MYO9B: variants seen among roughly 807,000 people sequenced by gnomAD.
The protein encoded by MYO9B is unconventional myosin-IXb.
Under a neutral mutation model 229.5 loss-of-function variants are expected in MYO9B, and 71 were observed. The observed-to-expected ratio is 0.31, with a 90% confidence interval of 0.26 to 0.38. MYO9B has a LOEUF of 0.38. Among genes scored for constraint, MYO9B ranks in the 10% least tolerant of loss-of-function variants. MYO9B has a pLI of 1.00. For synonymous variants in MYO9B, 1,185 were observed against 1,235.8 expected (o/e 0.96, Z 0.86); for missense variants, 2,255 against 2,920.5 (o/e 0.77, Z 5.25).
intron 22 of MYO9B, among the ~76,000 whole-genome samples, chr19:17,197,443 G>GATAGATAGATAC (rs1568297846): frequency 2.0e-5 from 3 of 147,610 alleles, no homozygotes; most frequent in South Asian, 2.1e-4. Context: ...TAGATAGATA[G>GATAGATAGATAC]ATAGATACAT....
Position 17,162,778 on chromosome 19 carries a change from G to C in MYO9B, c.1537-210G>C, listed in dbSNP as rs147026176. ...GTCAAGGCTGCAGTGAGCTGTGGTG[G>C]CGCCACTGCACTCCAACCTGGGCAA... is the stretch of plus-strand genomic sequence containing the variant. On this transcript the variant is annotated intron_variant, in intron 9 of 39. Transcript: ENST00000682292. Among the ~76,000 whole-genome samples, 1,262 of 151,730 alleles carry C rather than the reference G, an allele frequency of 8.3e-3. 17 individuals carry two copies. The highest frequency in any genetic ancestry group is 0.029 in the African/African-American group (1,202 of 41,406).
At chr19:17,132,525 ATTT>A (rs35184435) in intron 2 of MYO9B, among the ~76,000 whole-genome samples, 14 of 116,360 alleles carry the variant, frequency 1.2e-4, no homozygotes, top group African/African-American at 2.8e-4. Flanking sequence ...TATTATTATT[ATTT>A]TTTTTTTTTT....
At chr19:17,138,512 C>G (rs1195084775) in intron 2 of MYO9B, among the ~76,000 whole-genome samples, 3 of 152,114 alleles carry the variant, frequency 2.0e-5, no homozygotes, top group African/African-American at 7.2e-5. Flanking sequence ...CTCCTGGCCT[C>G]AAGCCATCCT....
chr19:17,094,723 C>T (rs1171125258), intron 1 of MYO9B, among the ~76,000 whole-genome samples: 1 of 152,140 alleles, frequency 6.6e-6, no homozygotes, highest in Non-Finnish European at 1.5e-5. Flanking sequence ...AGGCAGAATG[C>T]TTGAGCCCAG....
chr19:17,188,428 CAAAAAAAA>C (rs1182917762), intron 19 of MYO9B, among the ~76,000 whole-genome samples: 1 of 92,554 alleles, frequency 1.1e-5, no homozygotes, highest in African/African-American at 4.1e-5. Flanking sequence ...GACTCCATCT[CAAAAAAAA>C]AAAAAAAAAA....
chr19:17,110,295 G>A lies in MYO9B; in HGVS notation c.840+7738G>A, dbSNP rs2057835256. On this transcript the variant is annotated intron_variant, in intron 2 of 39. Coordinates refer to ENST00000682292, the MANE Select transcript of MYO9B (RefSeq NM_004145.4). ...GATCTGCCCGCCACTGCAGTTAACT[G>A]TTGCCATCACCTTTCACCAAGTCTA... 2.6e-5 allele frequency among the ~76,000 whole-genome samples: 4 copies of A among 152,302 alleles called. No homozygotes were observed. The South Asian group carries it at 8.3e-4, about 32-fold the overall frequency.
At chr19:17,142,533 A>C (rs1414220908) in intron 2 of MYO9B, among the ~76,000 whole-genome samples, 1 of 151,958 alleles carries the variant, frequency 6.6e-6, no homozygotes, top group Non-Finnish European at 1.5e-5. Flanking sequence ...TCCTCAAGGG[A>C]CCTTCCACAT....
At position 17,207,226 on chromosome 19, in the gene MYO9B, A is replaced by C; in HGVS notation, c.5606A>C (p.Asp1869Ala). The C allele has an allele frequency of 6.3e-7, 1 of 1,598,394 alleles. No individual in the cohort carries two copies. Among genetic ancestry groups the C allele is most frequent in the Non-Finnish European group, 8.5e-7 (1 of 1,173,838 alleles). The change falls in exon 35 of 40, where the codon GAC becomes GCC. Residue 1869 changes from aspartate to alanine, a missense_variant. By Grantham distance (126) the Asp-to-Ala change is moderately radical. Coordinates refer to ENST00000682292, the MANE Select transcript of MYO9B (RefSeq NM_004145.4). The part of the protein sequence containing the change: ...DNSDPLTSMK[D>A]VLKITTCVEM... ...TCGGACCCGCTGACCAGCATGAAGG[A>C]CGTCCTCAAGATCACCACGTGAGTG...
intron 2 of MYO9B, among the ~76,000 whole-genome samples, chr19:17,113,102 A>G (rs898588224): frequency 2.0e-5 from 3 of 152,218 alleles, no homozygotes; most frequent in African/African-American, 4.8e-5. Flanking sequence ...CTGTCTGTCA[A>G]AGGGTCCAGG....
At chr19:17,123,764 T>C (rs1418360422) in intron 2 of MYO9B, among the ~76,000 whole-genome samples, 1 of 151,838 alleles carries the variant, frequency 6.6e-6, no homozygotes, top group Non-Finnish European at 1.5e-5. Context: ...CTTGGTTGAG[T>C]AGATAGAAAA....
chr19:17,089,862 CTCTA>C (rs1335838433), intron 1 of MYO9B, among the ~76,000 whole-genome samples: 2 of 152,258 alleles, frequency 1.3e-5, no homozygotes, highest in African/African-American at 2.4e-5. Flanking sequence ...CCAACACCAG[CTCTA>C]TCTGATTCCA....
In MYO9B at chr19:17,193,470, G is replaced by C. The variant is rs1405185275; in HGVS notation, c.3128+408G>C. Among the ~76,000 whole-genome samples, 1 of 152,014 alleles carries C rather than the reference G, an allele frequency of 6.6e-6. No homozygotes were observed. The highest frequency in any genetic ancestry group is 1.5e-5 in the Non-Finnish European group (1 of 67,986). ...CTCCCGTCCCAGCACCCACAGCTCC[G>C]AGCCCAGCCCCTCCCCGACCTAGGC... On this transcript the variant is annotated intron_variant, in intron 21 of 39. Transcript: ENST00000682292. This position sits in a 1 kb window ranked among gnomAD's most constrained non-coding sequence, Gnocchi z 4.3.
intron 2 of MYO9B, among the ~76,000 whole-genome samples, chr19:17,119,954 G>T (rs548955697): frequency 1.3e-5 from 2 of 152,214 alleles, no homozygotes; most frequent in East Asian, 1.9e-4. Context: ...GGCCAAGCTC[G>T]GGAGTTTGAG....
intron 1 of MYO9B, among the ~76,000 whole-genome samples, chr19:17,086,996 A>T (rs939388636): frequency 6.6e-6 from 1 of 151,938 alleles, no homozygotes; most frequent in Non-Finnish European, 1.5e-5. Flanking sequence ...TCCCCAAAGC[A>T]CTTATCACTG....
chr19:17,091,565 G>A (rs1228630751), intron 1 of MYO9B, among the ~76,000 whole-genome samples: 3 of 152,162 alleles, frequency 2.0e-5, no homozygotes, highest in Non-Finnish European at 4.4e-5. Context: ...AAATTAGCTG[G>A]GTATGGTAGT....
intron 3 of MYO9B, among the ~76,000 whole-genome samples, chr19:17,146,661 G>T (rs1424248291): frequency 6.6e-6 from 1 of 152,136 alleles, no homozygotes; most frequent in African/African-American, 2.4e-5. Flanking sequence ...TGAATAAATG[G>T]GTAGATTTTG....
At chr19:17,177,104 G>T (rs919628122) in intron 14 of MYO9B, among the ~76,000 whole-genome samples, 11 of 152,110 alleles carry the variant, frequency 7.2e-5, no homozygotes, top group South Asian at 2.1e-4. Context: ...GAGAGGCTGA[G>T]GCAGGAGAAT....
intron 7 of MYO9B, 46 bp from the exon 8 acceptor site, chr19:17,159,349 T>A: frequency 6.6e-7 from 1 of 1,520,964 alleles, no homozygotes; most frequent in Non-Finnish European, 9.0e-7. Context: ...GCCTGATAAG[T>A]CCTCCATCTC....
Position 17,205,887 on chromosome 19 carries a change from G to T in MYO9B, c.5065-73G>T, listed in dbSNP as rs2073154771. On this transcript the variant is annotated intron_variant, in intron 31 of 39. Transcript: ENST00000682292. ...TGAGGGCCTTGTGCGGGACCAGGAG[G>T]CAGAGGCCCCCAGAGACAGCTGGAG... 3 of 1,421,290 alleles carry T rather than the reference G, an allele frequency of 2.1e-6. No homozygotes were observed. In the African/African-American group the frequency reaches 4.3e-5, roughly 20 times the overall value. 88.0% of individuals were successfully genotyped at this position (1,421,290 alleles called of 1,614,324 possible).
Sources: gnomAD v4.1 joint callset for allele counts (sites outside exome capture counted in the v4.1 genomes callset) on GRCh38, gnomAD v4.1.1 for gene constraint, Gnocchi (gnomAD v3.1) non-coding constraint, MANE v1.5 for transcripts, NCBI Gene and HGNC (gene_info 2026-07-23, HGNC 2026-07-21) for gene names.